PCDH11X: variants seen among roughly 807,000 people sequenced by gnomAD.
The protein encoded by PCDH11X is protocadherin 11 X-linked.
A neutral mutation model predicts 53.3 loss-of-function variants in PCDH11X; 18 were observed. The ratio of observed to expected loss-of-function variants is 0.34; its 90% confidence interval spans 0.23 to 0.50. PCDH11X has a LOEUF of 0.50. Ranked by LOEUF, PCDH11X falls within the 20% of genes least tolerant of loss-of-function variation. The pLI is 0.98. For missense variants in PCDH11X, 570 were observed against 1,032.4 expected, an observed-to-expected ratio of 0.55 and a Z score of 6.14; for synonymous variants, 279 against 393.3, an observed-to-expected ratio of 0.71 and a Z score of 3.44.
intron 6 of PCDH11X, among the ~76,000 whole-genome samples, chrX:91,912,892 G>A (rs888715658): frequency 4.5e-5 from 5 of 112,159 alleles, no homozygotes; most frequent in Admixed American, 9.4e-5. Flanking sequence ...GTGAGAGGGC[G>A]AAAGGAAAAC....
At chrX:92,268,576 A>T (rs1157977583) in intron 8 of PCDH11X, among the ~76,000 whole-genome samples, 1 of 111,763 alleles carries the variant, frequency 8.9e-6, no homozygotes, top group African/African-American at 3.3e-5. Flanking sequence ...ACCTAAGGAA[A>T]CTAATTCCCC....
intron 8 of PCDH11X, 193 bp from the exon 9 acceptor site, chrX:92,387,542 C>T: frequency 1.8e-6 from 1 of 561,148 alleles, no homozygotes; most frequent in Non-Finnish European, 2.2e-6. Flanking sequence ...ATAATGGAAG[C>T]AACACTGCCT....
intron 5 of PCDH11X, among the ~76,000 whole-genome samples, chrX:91,843,260 C>CG (rs1937553246): frequency 6.2e-5 from 4 of 64,310 alleles, no homozygotes; most frequent in African/African-American, 2.6e-4. Context: ...TACATACATA[C>CG]TTATGTGTGT....
At chrX:92,050,197 G>C (rs1308969525) in intron 6 of PCDH11X, among the ~76,000 whole-genome samples, 1 of 111,057 alleles carries the variant, frequency 9.0e-6, no homozygotes, top group South Asian at 3.8e-4. Flanking sequence ...TTCTGCTTTC[G>C]GTTAGTGGTA....
chrX:92,160,706 G>C (rs2065627959), intron 6 of PCDH11X, among the ~76,000 whole-genome samples: 1 of 106,227 alleles, frequency 9.4e-6, no homozygotes, highest in Non-Finnish European at 1.9e-5. Flanking sequence ...GGGAGTACTG[G>C]ATCAAATGGT....
chrX:92,033,286 T>C (rs945255055), intron 6 of PCDH11X, among the ~76,000 whole-genome samples: 1 of 108,643 alleles, frequency 9.2e-6, no homozygotes, highest in Non-Finnish European at 1.9e-5. Context: ...TCTGCTTTAT[T>C]CTTTGGAGTA....
intron 5 of PCDH11X, among the ~76,000 whole-genome samples, chrX:91,853,460 T>C (rs1021777955): frequency 1.8e-5 from 2 of 108,852 alleles, no homozygotes; most frequent in Non-Finnish European, 3.8e-5. Context: ...TTGATACATA[T>C]GAGTATATTG....
chrX:92,601,875 C>T (rs1162040562), intron 10 of PCDH11X, among the ~76,000 whole-genome samples: 3 of 111,232 alleles, frequency 2.7e-5, no homozygotes, highest in East Asian at 2.8e-4. Flanking sequence ...AGGTATCTTC[C>T]ACTGAGGCAC....
At chrX:92,293,610 G>T (rs1265648058) in intron 8 of PCDH11X, among the ~76,000 whole-genome samples, 57 of 94,453 alleles carry the variant, frequency 6.0e-4, no homozygotes, top group Non-Finnish European at 1.1e-3. Flanking sequence ...GCGACAGAGC[G>T]AGACTCCGTC....
intron 6 of PCDH11X, among the ~76,000 whole-genome samples, chrX:92,075,382 A>G (rs916471051): frequency 9.2e-6 from 1 of 108,565 alleles, no homozygotes; most frequent in African/African-American, 3.3e-5. Flanking sequence ...CGTTGTTAAC[A>G]GGTACCTCAG....
chrX:92,287,779 C>A (rs1218426472), intron 8 of PCDH11X, among the ~76,000 whole-genome samples: 1 of 111,683 alleles, frequency 9.0e-6, no homozygotes, highest in African/African-American at 3.3e-5. Flanking sequence ...GTGTCCCACC[C>A]AAATCTCATG....
At chrX:91,940,012 T>C (rs1172709422) in intron 6 of PCDH11X, among the ~76,000 whole-genome samples, 1 of 111,112 alleles carries the variant, frequency 9.0e-6, no homozygotes, top group Non-Finnish European at 1.9e-5. Flanking sequence ...GAAATATAAT[T>C]CCCAGTTTTG....
rs1202982791 is a variant in PCDH11X, at chrX:91,835,752, A to G, written c.248A>G (p.Glu83Gly). The G allele has an allele frequency of 6.6e-6, 8 of 1,211,768 alleles. No homozygotes were observed. Among genetic ancestry groups the G allele is most frequent in the Non-Finnish European group, 8.9e-6 (8 of 895,435 alleles). ...ATTCGAATTGAAGAGGATACTGGTG[A>G]GATCTTCACTACTGGCGCTCGCATT... ...PLIRIEEDTG[E>G]IFTTGARIDR... The change falls in exon 5 of 11, where the codon GAG becomes GGG. Residue 83 changes from glutamate to glycine, a missense_variant. By Grantham distance (98) the Glu-to-Gly change is moderately conservative. This residue lies in a region of PCDH11X where 84 missense variants were observed against 142.0 expected (regional missense o/e 0.59). Transcript: ENST00000682573.
chrX:92,004,198 T>C (rs1259931099), intron 6 of PCDH11X, among the ~76,000 whole-genome samples: 1 of 112,062 alleles, frequency 8.9e-6, no homozygotes, highest in African/African-American at 3.2e-5. Flanking sequence ...GGTTTCAAAG[T>C]TCTTGTTATT....
chrX:92,602,404 C>A (rs1926344129), intron 10 of PCDH11X, among the ~76,000 whole-genome samples: 1 of 112,526 alleles, frequency 8.9e-6, no homozygotes, highest in African/African-American at 3.2e-5. Context: ...GGGTCAGAAC[C>A]AACATCCAAA....
intron 6 of PCDH11X, among the ~76,000 whole-genome samples, chrX:91,890,036 T>C (rs1420735781): frequency 9.7e-6 from 1 of 103,076 alleles, no homozygotes; most frequent in Non-Finnish European, 2.0e-5. Context: ...TACACTTAAA[T>C]CTTTTTAGGT....
rs1221633466 is a variant in PCDH11X, at chrX:92,143,300, C to T, written c.3034-58075C>T. On this transcript the variant is annotated intron_variant, in intron 6 of 10. Coordinates refer to ENST00000682573, the MANE Select transcript of PCDH11X (RefSeq NM_032968.5). ...GTCCTAATGTCAGTCCTGAAGACCACGGGGAAAATGTCTCCAGGCCATGTC... is the reference window on the plus strand; with the variant it reads ...GTCCTAATGTCAGTCCTGAAGACCATGGGGAAAATGTCTCCAGGCCATGTC... Among the ~76,000 whole-genome samples, 7 of 111,912 alleles carry T rather than the reference C, an allele frequency of 6.3e-5. No homozygotes were observed. In the East Asian group the frequency reaches 8.5e-4, roughly 14 times the overall value.
At chrX:92,547,413 G>A (rs1015406858) in intron 10 of PCDH11X, among the ~76,000 whole-genome samples, 4 of 108,183 alleles carry the variant, frequency 3.7e-5, no homozygotes, top group African/African-American at 1.3e-4. Context: ...AGATGCTATC[G>A]AAATGCAGAT....
At chrX:92,100,559 A>T (rs973072105) in intron 6 of PCDH11X, among the ~76,000 whole-genome samples, 1 of 110,191 alleles carries the variant, frequency 9.1e-6, no homozygotes, top group African/African-American at 3.3e-5. Flanking sequence ...GTTGTGGTGG[A>T]ATGTCATCAG....
Sources: gnomAD v4.1 joint callset for allele counts (sites outside exome capture counted in the v4.1 genomes callset) on GRCh38, gnomAD v4.1.1 for gene constraint, gnomAD v4.1.1 regional missense constraint, MANE v1.5 for transcripts, NCBI Gene and HGNC (gene_info 2026-07-23, HGNC 2026-07-21) for gene names.